Variants in RPGRIP1 observed in about 807,000 individuals in gnomAD.
RPGRIP1 encodes RPGR interacting protein 1.
Under a neutral mutation model 157.9 loss-of-function variants are expected in RPGRIP1, and 128 were observed. That is an observed-to-expected ratio of 0.81 (90% confidence interval 0.70 to 0.94). The LOEUF (loss-of-function observed/expected upper bound fraction) is 0.94, where lower values mean the gene tolerates loss of function less well. RPGRIP1 is among the 40% of genes least tolerant of loss of function. The probability of loss-of-function intolerance (pLI) is 0.00; values close to 1 mark genes in which losing one functional copy is unlikely to be tolerated. For missense variants in RPGRIP1, 1,486 were observed against 1,545.8 expected, an observed-to-expected ratio of 0.96 and a Z score of 0.65; for synonymous variants, 554 against 571.6, an observed-to-expected ratio of 0.97 and a Z score of 0.44.
At chr14:21,298,238 C>T (rs1424713379) in intron 3 of RPGRIP1, among the ~76,000 whole-genome samples, 2 of 152,064 alleles carry the variant, frequency 1.3e-5, no homozygotes, top group Non-Finnish European at 2.9e-5. Flanking sequence ...GTGGCTCATG[C>T]CTGTAGTTCC....
Position 21,334,655 on chromosome 14 carries a change from G to A in RPGRIP1, c.3289G>A (p.Asp1097Asn), listed in dbSNP as rs779356445. The change falls in exon 21 of 25, where the codon GAC becomes AAC. Residue 1097 changes from aspartate to asparagine, a missense_variant. Physicochemically the swap from Asp to Asn is conservative, Grantham distance 23. Transcript: ENST00000400017. Reference protein sequence around the residue: ...GSEVSEAQTTDSDDVIVPPMS... With the variant: ...GSEVSEAQTTNSDDVIVPPMS... The stretch of plus-strand genomic sequence containing the variant: ...TGAAGTCAGTGAAGCACAAACTACC[G>A]ACAGTGATGATGTCATAGTGCCACC... 1.6e-5 allele frequency: 26 copies of A among 1,608,998 alleles called. No homozygotes were observed. Among genetic ancestry groups the A allele is most frequent in the East Asian group, 1.1e-4 (5 of 44,772 alleles).
chr14:21,303,648 T>A, intron 6 of RPGRIP1, 105 bp downstream of exon 6: 2 of 873,244 alleles, frequency 2.3e-6, no homozygotes, highest in Non-Finnish European at 3.6e-6. Flanking sequence ...TGTTTGGGAT[T>A]AAATTCAATC....
chr14:21,343,313 G>C, intron 22 of RPGRIP1, 85 bp downstream of exon 22: 1 of 1,016,114 alleles, frequency 9.8e-7, no homozygotes, highest in South Asian at 1.5e-5. Context: ...ATTTTTGTGG[G>C]GTGAATCCAG....
intron 1 of RPGRIP1, among the ~76,000 whole-genome samples, chr14:21,283,548 G>A (rs941689208): frequency 2.6e-5 from 4 of 151,898 alleles, no homozygotes; most frequent in East Asian, 3.9e-4. Flanking sequence ...TGATCTGCCC[G>A]CCTCGGCCTC....
At chr14:21,310,631 T>C in intron 8 of RPGRIP1, 24 bp downstream of exon 8, 1 of 1,410,050 alleles carries the variant, frequency 7.1e-7, no homozygotes, top group Non-Finnish European at 9.7e-7. Flanking sequence ...ATTGAGTCTC[T>C]GTTTCTTAGT....
intron 8 of RPGRIP1, chr14:21,310,843 A>T: frequency 1.5e-6 from 1 of 680,842 alleles, no homozygotes; most frequent in Non-Finnish European, 2.7e-6. Context: ...AATATTTGGC[A>T]TGGTATTTTT....
chr14:21,337,672 C>T (rs1884513813), intron 21 of RPGRIP1, among the ~76,000 whole-genome samples: 1 of 151,436 alleles, frequency 6.6e-6, no homozygotes. Context: ...AAACTCCTGA[C>T]CTCAGGTGAT....
intron 11 of RPGRIP1, among the ~76,000 whole-genome samples, chr14:21,319,522 C>T (rs758546901): frequency 6.6e-6 from 1 of 152,130 alleles, no homozygotes; most frequent in Non-Finnish European, 1.5e-5. Context: ...GATCGCACCA[C>T]TGCACTCCAT....
chr14:21,305,771 G>A (rs767282541), intron 6 of RPGRIP1, among the ~76,000 whole-genome samples: 4 of 152,094 alleles, frequency 2.6e-5, no homozygotes, highest in African/African-American at 9.7e-5. Context: ...TGAGGCAGGC[G>A]AATAGCTTGA....
chr14:21,307,284 C>T (rs1881357370), intron 6 of RPGRIP1, among the ~76,000 whole-genome samples: 1 of 151,686 alleles, frequency 6.6e-6, no homozygotes, highest in African/African-American at 2.4e-5. Flanking sequence ...CAACTCCTGA[C>T]CTCAGGCCAT....
chr14:21,350,898 C>T (rs948594172), intron 24 of RPGRIP1, among the ~76,000 whole-genome samples: 17 of 152,118 alleles, frequency 1.1e-4, no homozygotes, highest in Admixed American at 9.2e-4. Flanking sequence ...GGTGCAGATG[C>T]CTCGTTATGT....
intron 13 of RPGRIP1, 143 bp downstream of exon 13, chr14:21,321,545 T>A: frequency 1.4e-6 from 2 of 1,429,922 alleles, no homozygotes; most frequent in South Asian, 3.2e-5. Flanking sequence ...ATGGCTGTCC[T>A]TTGAAGAACT....
intron 1 of RPGRIP1, among the ~76,000 whole-genome samples, chr14:21,287,358 T>G (rs1258469452): frequency 6.6e-6 from 1 of 152,222 alleles, no homozygotes; most frequent in Non-Finnish European, 1.5e-5. Flanking sequence ...CAGGATTTCC[T>G]GATTATTCAG....
At chr14:21,339,459 G>GA (rs1195962174) in intron 21 of RPGRIP1, among the ~76,000 whole-genome samples, 1 of 151,976 alleles carries the variant, frequency 6.6e-6, no homozygotes, top group Non-Finnish European at 1.5e-5. Context: ...AGAAAAAAAA[G>GA]AAAAATAATT....
intron 4 of RPGRIP1, among the ~76,000 whole-genome samples, chr14:21,301,719 T>TAAA (rs1881042542): frequency 1.1e-5 from 1 of 91,910 alleles, no homozygotes; most frequent in Non-Finnish European, 2.3e-5. Flanking sequence ...ATAATAATAA[T>TAAA]AATAAAAAAT....
At chr14:21,289,650 GA>G (rs982144221) in intron 2 of RPGRIP1, among the ~76,000 whole-genome samples, 4 of 151,916 alleles carry the variant, frequency 2.6e-5, no homozygotes, top group African/African-American at 7.3e-5. Context: ...AACCACTTTG[GA>G]AAATATTTGC....
At chr14:21,315,347 A>T (rs1881730037) in intron 10 of RPGRIP1, among the ~76,000 whole-genome samples, 1 of 151,594 alleles carries the variant, frequency 6.6e-6, no homozygotes, top group African/African-American at 2.4e-5. Flanking sequence ...CTCTACTAAA[A>T]ATACAAAAAA....
rs1324583348 is a variant in RPGRIP1, at chr14:21,325,400, G to C, written c.2367+17G>C. 6.4e-7 allele frequency: 1 copy of C among 1,556,294 alleles called. No homozygotes were observed. Among genetic ancestry groups the C allele is most frequent in the East Asian group, 2.4e-5 (1 of 41,360 alleles). On this transcript the variant is annotated intron_variant, in intron 16 of 24. Coordinates refer to ENST00000400017, the MANE Select transcript of RPGRIP1 (RefSeq NM_020366.4). ...GAAGAGGAGGTGAGAAAAAAGATGT[G>C]CCGAGGCATCTCAGAGGAGCCTCAG... is the stretch of plus-strand genomic sequence containing the variant.
chr14:21,320,327 TCGCCCAGGCTGGAGTGCAGTGG>T, intron 12 of RPGRIP1, 150 bp downstream of exon 12: 2 of 768,734 alleles, frequency 2.6e-6, no homozygotes, highest in Non-Finnish European at 4.0e-6. Flanking sequence ...AGTCTCGCTG[TCGCCCAGGCTGGAGTGCAGTGG>T]CGCGATCTCG....
Sources: allele counts gnomAD v4.1 joint callset (sites outside exome capture counted in the v4.1 genomes callset), GRCh38; gene constraint gnomAD v4.1.1; transcripts MANE v1.5; gene names NCBI Gene and HGNC (gene_info 2026-07-23, HGNC 2026-07-21).